The following ROBO1 variants were observed in gnomAD, a reference collection of about 807,000 sequenced individuals.
ROBO1 encodes the protein roundabout guidance receptor 1, also known as roundabout homolog 1.
Under a neutral mutation model 195.9 loss-of-function variants are expected in ROBO1, and 149 were observed. That is an observed-to-expected ratio of 0.76 (90% CI 0.67 to 0.87). ROBO1 has a LOEUF of 0.87. Among genes scored for constraint, ROBO1 ranks in the 40% least tolerant of loss-of-function variants. The probability of loss-of-function intolerance (pLI) is 0.00; values close to 1 mark genes in which losing one functional copy is unlikely to be tolerated. For missense variants in ROBO1, 1,933 were observed against 2,068.3 expected, an observed-to-expected ratio of 0.93 and a Z score of 1.27; for synonymous variants, 816 against 733.2, an observed-to-expected ratio of 1.11 and a Z score of -1.82.
intron 3 of ROBO1, among the ~76,000 whole-genome samples, chr3:78,961,682 C>G (rs922957290): frequency 1.3e-5 from 2 of 152,180 alleles, no homozygotes; most frequent in Non-Finnish European, 2.9e-5. Context: ...AATATTCAGA[C>G]TCCTACAGTC....
At chr3:79,457,578 T>C (rs932204392) in intron 2 of ROBO1, among the ~76,000 whole-genome samples, 1 of 152,134 alleles carries the variant, frequency 6.6e-6, no homozygotes, top group Non-Finnish European at 1.5e-5. Context: ...TGAGCTCCCA[T>C]AATCCCCATG....
chr3:78,629,657 CAACCAAACCAAACCA>C (rs59055817), intron 25 of ROBO1, among the ~76,000 whole-genome samples: 62 of 150,312 alleles, frequency 4.1e-4, no homozygotes, highest in Admixed American at 9.9e-4. Flanking sequence ...AAAACCAAAC[CAACCAAACCAAACCA>C]AACCAAACCA....
chr3:79,277,348 TAA>T (rs1245538849), intron 2 of ROBO1, among the ~76,000 whole-genome samples: 2 of 152,084 alleles, frequency 1.3e-5, no homozygotes, highest in African/African-American at 4.8e-5. Context: ...GTCATTATGC[TAA>T]GTGAAGTAAG....
chr3:79,095,192 A>T (rs866405466), intron 3 of ROBO1, among the ~76,000 whole-genome samples: 2 of 151,908 alleles, frequency 1.3e-5, no homozygotes, highest in South Asian at 2.1e-4. Flanking sequence ...AGGTATGCAA[A>T]TTTTTTGATA....
At chr3:78,844,246 G>A (rs1250348681) in intron 4 of ROBO1, among the ~76,000 whole-genome samples, 2 of 151,990 alleles carry the variant, frequency 1.3e-5, no homozygotes. Flanking sequence ...TAAACTAAAC[G>A]GAGGCCTTCT....
chr3:79,290,764 C>G (rs2032196897), intron 2 of ROBO1, among the ~76,000 whole-genome samples: 2 of 152,118 alleles, frequency 1.3e-5, no homozygotes, highest in Admixed American at 1.3e-4. Flanking sequence ...TCTTTTTGTT[C>G]CATGCTTCTA....
intron 18 of ROBO1, 126 bp downstream of exon 18, chr3:78,656,972 G>T: frequency 1.1e-5 from 9 of 842,668 alleles, no homozygotes; most frequent in South Asian, 4.1e-5. Context: ...CCTTTTTGTA[G>T]CTCTAAGCCA....
intron 1 of ROBO1, among the ~76,000 whole-genome samples, chr3:79,730,992 T>C (rs1365422120): frequency 1.3e-5 from 2 of 152,066 alleles, no homozygotes; most frequent in Non-Finnish European, 2.9e-5. Flanking sequence ...TTAGCCAGGA[T>C]GGTCTCGATC....
chr3:79,241,891 C>T (rs1027896595), intron 2 of ROBO1, among the ~76,000 whole-genome samples: 6 of 151,642 alleles, frequency 4.0e-5, no homozygotes, highest in African/African-American at 1.5e-4. Flanking sequence ...GCACTACTAG[C>T]CGTCTTAATA....
At chr3:79,477,453 G>A (rs2107356643) in intron 2 of ROBO1, among the ~76,000 whole-genome samples, 1 of 152,212 alleles carries the variant, frequency 6.6e-6, no homozygotes, top group East Asian at 1.9e-4. Flanking sequence ...GTAAGTCCTT[G>A]AACATTAAGT....
At chr3:79,747,461 A>G (rs1353382583) in intron 1 of ROBO1, among the ~76,000 whole-genome samples, 1 of 152,098 alleles carries the variant, frequency 6.6e-6, no homozygotes, top group Non-Finnish European at 1.5e-5. Context: ...TACTCCTAAG[A>G]AAAAGTAAAA....
chr3:79,519,627 T>TAAAAA (rs1941113776), intron 2 of ROBO1, among the ~76,000 whole-genome samples: 1 of 13,338 alleles, frequency 7.5e-5, no homozygotes, highest in Non-Finnish European at 1.5e-4. Context: ...AGACTCCTGC[T>TAAAAA]CAAAAAAAAA....
chr3:78,679,249 C>T (rs1446574596), intron 10 of ROBO1, among the ~76,000 whole-genome samples: 3 of 151,880 alleles, frequency 2.0e-5, no homozygotes, highest in Non-Finnish European at 2.9e-5. Flanking sequence ...GGAAGCATTC[C>T]CTTTGAAAAC....
intron 2 of ROBO1, among the ~76,000 whole-genome samples, chr3:79,393,732 T>C (rs1166731939): frequency 1.3e-5 from 2 of 152,180 alleles, no homozygotes; most frequent in Admixed American, 6.6e-5. Flanking sequence ...GCAGCCTTAT[T>C]ATAAAGAGCA....
intron 10 of ROBO1, among the ~76,000 whole-genome samples, chr3:78,678,294 AGCTAGCAGAAG>A (rs1259462191): frequency 6.6e-6 from 1 of 151,310 alleles, no homozygotes; most frequent in East Asian, 1.9e-4. Flanking sequence ...CACATTCAAA[AGCTAGCAGAAG>A]GCAAGAAATA....
intron 2 of ROBO1, among the ~76,000 whole-genome samples, chr3:79,216,421 T>C (rs959981905): frequency 3.9e-5 from 6 of 152,074 alleles, no homozygotes; most frequent in Non-Finnish European, 2.9e-5. Flanking sequence ...AAAAATTGGA[T>C]GATTATGTGT....
At chr3:79,232,621 A>C (rs1376923072) in intron 2 of ROBO1, among the ~76,000 whole-genome samples, 1 of 152,098 alleles carries the variant, frequency 6.6e-6, no homozygotes. Context: ...ACTTTTACAG[A>C]GAGAAAAATA....
In ROBO1 at chr3:78,976,607, G is replaced by GTC. The variant is rs1392676872; in HGVS notation, c.173-37682_173-37681dup. Among the ~76,000 whole-genome samples the GTC allele has an allele frequency of 2.6e-5, 4 of 152,244 alleles. No homozygotes were observed. The East Asian group carries it at 7.7e-4, about 29-fold the overall frequency. On this transcript the variant is annotated intron_variant, in intron 3 of 30. Coordinates refer to ENST00000464233, the MANE Select transcript of ROBO1 (RefSeq NM_002941.4). ...GTCAACAAACTCTTGGCCCTTTTCT[G>GTC]TCTCTCTACAGCAGCATTTGCCCAA...
intron 3 of ROBO1, among the ~76,000 whole-genome samples, chr3:78,973,610 T>C (rs2076822334): frequency 6.8e-6 from 1 of 146,438 alleles, no homozygotes; most frequent in Non-Finnish European, 1.5e-5. Context: ...GCTTCTTAGG[T>C]TAATAACAGC....
Sources: allele counts gnomAD v4.1 joint callset (sites outside exome capture counted in the v4.1 genomes callset), GRCh38; gene constraint gnomAD v4.1.1; transcripts MANE v1.5; gene names NCBI Gene and HGNC (gene_info 2026-07-23, HGNC 2026-07-21).